Variants in MARCHF11 observed in about 807,000 individuals in gnomAD.
MARCHF11 encodes membrane associated ring-CH-type finger 11.
Under a neutral mutation model 37.3 loss-of-function variants are expected in MARCHF11, and 29 were observed. That is an observed-to-expected ratio of 0.78 (90% confidence interval 0.58 to 1.06). The LOEUF (loss-of-function observed/expected upper bound fraction) is 1.06, where lower values mean the gene tolerates loss of function less well. Ranked by LOEUF, MARCHF11 falls within the 50% of genes least tolerant of loss-of-function variation. MARCHF11 has a pLI of 0.00. For missense variants in MARCHF11, 482 were observed against 533.4 expected, an observed-to-expected ratio of 0.90 and a Z score of 0.95; for synonymous variants, 233 against 228.0, an observed-to-expected ratio of 1.02 and a Z score of -0.20.
Position 16,115,479 on chromosome 5 carries a change from C to T in MARCHF11, c.694-24398G>A, listed in dbSNP as rs140705554. Among the ~76,000 whole-genome samples, 183 of 152,264 alleles carry T rather than the reference C, an allele frequency of 1.2e-3. 1 individual carries two copies. The highest frequency in any genetic ancestry group is 4.1e-3 in the African/African-American group (171 of 41,548). On this transcript the variant is annotated intron_variant, in intron 2 of 3. Transcript: ENST00000332432. ...GGAAGAAAGGATAGAAGCAACAGTG[C>T]GCAAGGATAATTTTTATTTTAGCGT... is the stretch of plus-strand genomic sequence containing the variant.
intron 2 of MARCHF11, among the ~76,000 whole-genome samples, chr5:16,151,518 T>A (rs1737886843): frequency 6.8e-6 from 1 of 146,938 alleles, no homozygotes; most frequent in African/African-American, 2.5e-5. Flanking sequence ...CCTTGCCACA[T>A]CCCACACTTT....
intron 3 of MARCHF11, among the ~76,000 whole-genome samples, chr5:16,069,674 G>T (rs1027176306): frequency 6.6e-6 from 1 of 152,130 alleles, no homozygotes; most frequent in African/African-American, 2.4e-5. Context: ...GACAGAAACT[G>T]TAATGGAAGA....
intron 2 of MARCHF11, among the ~76,000 whole-genome samples, chr5:16,122,304 G>A (rs1472247665): frequency 1.3e-5 from 2 of 152,114 alleles, no homozygotes; most frequent in Non-Finnish European, 2.9e-5. Flanking sequence ...TTCCTCCAAG[G>A]AGAGAACTGA....
chr5:16,153,578 G>A (rs1436311117), intron 2 of MARCHF11, among the ~76,000 whole-genome samples: 4 of 151,918 alleles, frequency 2.6e-5, no homozygotes, highest in South Asian at 2.1e-4. Flanking sequence ...GCAGTTAAGC[G>A]CAGTATTCTT....
chr5:16,179,570 G>T lies in MARCHF11; in HGVS notation c.6C>A (p.Ser2Arg), dbSNP rs1738437695. The change falls in exon 1 of 4, where the codon AGC (serine) becomes AGA (arginine). Residue 2 changes from serine to arginine, a missense_variant. Ser to Arg is a moderately radical substitution (Grantham distance 110). Coordinates refer to ENST00000332432, the MANE Select transcript of MARCHF11 (RefSeq NM_001102562.3). M[S>R]FEGGHGGSRC... The stretch of plus-strand genomic sequence containing the variant: ...GACTGCCGCCGTGGCCGCCCTCAAA[G>T]CTCATGGTTGTGCCGCCGCCGCCCT... 2.5e-6 allele frequency: 3 copies of T among 1,184,800 alleles called. No homozygotes were observed. The highest frequency in any genetic ancestry group is 3.1e-6 in the Non-Finnish European group (3 of 958,078). The allele number at this position is 1,184,800 out of a possible 1,614,324, so 73.4% of individuals were successfully genotyped here.
chr5:16,142,391 T>A (rs753106068), intron 2 of MARCHF11, among the ~76,000 whole-genome samples: 9 of 152,168 alleles, frequency 5.9e-5, no homozygotes, highest in Admixed American at 1.3e-4. Context: ...TCTAGGAGCA[T>A]TGGGACGGAT....
intron 2 of MARCHF11, among the ~76,000 whole-genome samples, chr5:16,151,653 G>GTA (rs749965816): frequency 1.0e-5 from 1 of 97,112 alleles, no homozygotes; most frequent in Non-Finnish European, 2.2e-5. Context: ...AGTTGAATGT[G>GTA]TGTGTGTGTG....
chr5:16,090,862 T>C, intron 3 of MARCHF11, 27 bp downstream of exon 3: 1 of 1,450,020 alleles, frequency 6.9e-7, no homozygotes, highest in Non-Finnish European at 9.2e-7. Flanking sequence ...ACTGACAGTG[T>C]GTTAACGTTG....
At chr5:16,077,778 T>C (rs1044719448) in intron 3 of MARCHF11, among the ~76,000 whole-genome samples, 1 of 152,204 alleles carries the variant, frequency 6.6e-6, no homozygotes, top group African/African-American at 2.4e-5. Flanking sequence ...TAATTCTTAT[T>C]AAGAAATTGT....
intron 3 of MARCHF11, among the ~76,000 whole-genome samples, chr5:16,077,423 G>A (rs1053431119): frequency 1.3e-5 from 2 of 152,068 alleles, no homozygotes; most frequent in African/African-American, 4.8e-5. Flanking sequence ...TGTTTTGGGG[G>A]AGCGAAAATA....
At chr5:16,105,997 G>A (rs531484678) in intron 2 of MARCHF11, among the ~76,000 whole-genome samples, 47 of 152,276 alleles carry the variant, frequency 3.1e-4, no homozygotes, top group African/African-American at 8.4e-4. Flanking sequence ...GGGAAACAGA[G>A]GGGACCAAAC....
chr5:16,126,503 G>A (rs185788718), intron 2 of MARCHF11, among the ~76,000 whole-genome samples: 13 of 152,226 alleles, frequency 8.5e-5, no homozygotes, highest in Non-Finnish European at 1.5e-4. Context: ...GCAAAGCCCC[G>A]ATTTAATACT....
intron 3 of MARCHF11, among the ~76,000 whole-genome samples, chr5:16,079,259 C>CA (rs1399621965): frequency 6.6e-6 from 1 of 152,186 alleles, no homozygotes; most frequent in East Asian, 1.9e-4. Context: ...TGACAACCTC[C>CA]AATGCCTCCC....
chr5:16,105,350 T>C (rs998161399), intron 2 of MARCHF11, among the ~76,000 whole-genome samples: 3 of 152,222 alleles, frequency 2.0e-5, no homozygotes, highest in African/African-American at 7.2e-5. Flanking sequence ...TTACTTTGAA[T>C]AATATTTTAA....
intron 2 of MARCHF11, among the ~76,000 whole-genome samples, chr5:16,115,823 C>T (rs970763182): frequency 1.3e-5 from 2 of 152,086 alleles, no homozygotes; most frequent in African/African-American, 4.8e-5. Context: ...GATGGGGTTT[C>T]ACCATGTTGG....
intron 2 of MARCHF11, among the ~76,000 whole-genome samples, chr5:16,166,779 T>C (rs1414314638): frequency 6.6e-6 from 1 of 151,702 alleles, no homozygotes; most frequent in Non-Finnish European, 1.5e-5. Flanking sequence ...AAAGCATGAG[T>C]TTATAAGAAT....
intron 2 of MARCHF11, among the ~76,000 whole-genome samples, chr5:16,107,366 T>C (rs1216672028): frequency 6.6e-6 from 1 of 151,958 alleles, no homozygotes; most frequent in Non-Finnish European, 1.5e-5. Flanking sequence ...TACCATATGA[T>C]TGCTTTTTAG....
At chr5:16,109,312 A>G (rs1216808901) in intron 2 of MARCHF11, among the ~76,000 whole-genome samples, 2 of 152,158 alleles carry the variant, frequency 1.3e-5, no homozygotes, top group African/African-American at 2.4e-5. Flanking sequence ...TAATGTTTTT[A>G]GCCCCGCTTC....
rs111551647 is a variant in MARCHF11, at chr5:16,084,650, CAA to C, written c.886+6237_886+6238del. The stretch of plus-strand genomic sequence containing the variant: ...AGAGCAAGACTCTGTGTCAAAAAAA[CAA>C]AAAAAAAAAAGAATTTACATGGATT... On this transcript the variant is annotated intron_variant, in intron 3 of 3. Transcript: ENST00000332432. Among the ~76,000 whole-genome samples, 189 of 123,742 alleles carry C rather than the reference CAA, an allele frequency of 1.5e-3. 1 individual carries two copies. Among genetic ancestry groups the C allele is most frequent in the African/African-American group, 5.0e-3 (179 of 35,778 alleles). 81.2% of individuals were successfully genotyped at this position (123,742 alleles called of 152,430 possible).
Sources: gnomAD v4.1 joint callset for allele counts (sites outside exome capture counted in the v4.1 genomes callset) on GRCh38, gnomAD v4.1.1 for gene constraint, MANE v1.5 for transcripts, NCBI Gene and HGNC (gene_info 2026-07-23, HGNC 2026-07-21) for gene names.